The following SMIM10L3 variants were observed in gnomAD, a reference collection of about 807,000 sequenced individuals.
SMIM10L3 encodes the protein salivary gland specific protein SAGSIN1.
the SMIM10L3 span, among the ~76,000 whole-genome samples, chr7:6,333,577 CA>C: frequency 6.6e-6 from 1 of 151,796 alleles, no homozygotes; most frequent in Non-Finnish European, 1.5e-5. Context: ...CAGCTCACTG[CA>C]GCCTGTAACT....
chr7:6,334,154 G>A, the SMIM10L3 span, among the ~76,000 whole-genome samples: 389 of 151,252 alleles, frequency 2.6e-3, no homozygotes, highest in African/African-American at 8.7e-3. Flanking sequence ...CCGAACTCCT[G>A]GTCTCTTAAG....
chr7:6,348,292 C>T, the SMIM10L3 span, among the ~76,000 whole-genome samples: 2 of 151,988 alleles, frequency 1.3e-5, no homozygotes, highest in East Asian at 1.9e-4. Flanking sequence ...TAAAGGTCCT[C>T]TTCAACACCT....
chr7:6,348,838 T>C, the SMIM10L3 span: 221,802 of 392,962 alleles, frequency 0.56, 68,982 homozygotes, highest in East Asian at 0.91. Context: ...TCGCCTGGCG[T>C]GCTCAGGGAG....
chr7:6,343,516 T>C, the SMIM10L3 span, among the ~76,000 whole-genome samples: 1 of 149,866 alleles, frequency 6.7e-6, no homozygotes, highest in African/African-American at 2.5e-5. Context: ...CATGACTTGT[T>C]AAATTATAGC....
chr7:6,333,559 C>T, the SMIM10L3 span, among the ~76,000 whole-genome samples: 15 of 152,042 alleles, frequency 9.9e-5, no homozygotes, highest in African/African-American at 2.9e-4. Flanking sequence ...AGGACAATGG[C>T]GTGATCACAG....
At chr7:6,344,591 G>A in the SMIM10L3 span, among the ~76,000 whole-genome samples, 741 of 152,022 alleles carry the variant, frequency 4.9e-3, 15 homozygotes, top group African/African-American at 0.016. Context: ...GCTAATTTTT[G>A]TATTTTTTGT....
chr7:6,331,361 C>A, the SMIM10L3 span: 1 of 615,520 alleles, frequency 1.6e-6, no homozygotes, highest in Non-Finnish European at 2.8e-6. Context: ...CAGGGTTTCA[C>A]CATATTGGTA....
At chr7:6,343,047 A>C in the SMIM10L3 span, among the ~76,000 whole-genome samples, 104 of 146,280 alleles carry the variant, frequency 7.1e-4, 1 homozygote, top group Middle Eastern at 3.4e-3. Context: ...AAAAAAAAAA[A>C]AGAAAAAAGA....
At chr7:6,337,447 G>T in the SMIM10L3 span, among the ~76,000 whole-genome samples, 1 of 151,490 alleles carries the variant, frequency 6.6e-6, no homozygotes, top group Non-Finnish European at 1.5e-5. Context: ...AAGAAAAACA[G>T]GTCATATAAT....
At chr7:6,331,050 C>T in the SMIM10L3 span, 306 of 1,613,868 alleles carry the variant, frequency 1.9e-4, no homozygotes, top group South Asian at 3.2e-4. Flanking sequence ...AAGGGCCCTC[C>T]GGCATTCTTT....
chr7:6,337,110 C>T, the SMIM10L3 span, among the ~76,000 whole-genome samples: 9 of 149,592 alleles, frequency 6.0e-5, no homozygotes, highest in South Asian at 2.1e-4. Context: ...CTCTCTGTCT[C>T]GCCCAGGCTG....
the SMIM10L3 span, among the ~76,000 whole-genome samples, chr7:6,333,112 C>A: frequency 1.3e-5 from 2 of 148,886 alleles, no homozygotes; most frequent in African/African-American, 2.5e-5. Context: ...AGCCGAGATC[C>A]CACCACTGCA....
At chr7:6,330,739 T>C in the SMIM10L3 span, 19 of 1,613,986 alleles carry the variant, frequency 1.2e-5, no homozygotes, top group Non-Finnish European at 1.5e-5. Flanking sequence ...TCTGTGGCCG[T>C]CAGTGGCCCT....
the SMIM10L3 span, among the ~76,000 whole-genome samples, chr7:6,339,401 G>C: frequency 6.6e-6 from 1 of 152,126 alleles, no homozygotes; most frequent in Non-Finnish European, 1.5e-5. Flanking sequence ...CTAGGAGTTT[G>C]AGACCAGTCT....
chr7:6,333,449 A>G, the SMIM10L3 span, among the ~76,000 whole-genome samples: 1,769 of 152,248 alleles, frequency 0.012, 34 homozygotes, highest in African/African-American at 0.04. Context: ...CAGGAAAAAG[A>G]AAGAAAGAAG....
At chr7:6,338,447 G>C in the SMIM10L3 span, among the ~76,000 whole-genome samples, 1 of 152,162 alleles carries the variant, frequency 6.6e-6, no homozygotes, top group African/African-American at 2.4e-5. Flanking sequence ...ATGATGGAAG[G>C]AGTCTTCAAG....
chr7:6,330,559 T>C, the SMIM10L3 span: 2 of 1,614,182 alleles, frequency 1.2e-6, no homozygotes, highest in Non-Finnish European at 1.7e-6. Flanking sequence ...CACTTCGGGA[T>C]ACACGTGCAG....
chr7:6,339,842 G>C, the SMIM10L3 span, among the ~76,000 whole-genome samples: 2 of 151,864 alleles, frequency 1.3e-5, no homozygotes, highest in South Asian at 4.2e-4. Context: ...CGATCACAAG[G>C]AGAGGAGAGT....
chr7:6,340,822 C>A, the SMIM10L3 span, among the ~76,000 whole-genome samples: 63 of 147,512 alleles, frequency 4.3e-4, no homozygotes, highest in Non-Finnish European at 6.9e-4. Context: ...TGGCGTGAAC[C>A]CGGGAGGCGG....
Sources: allele counts gnomAD v4.1 joint callset (sites outside exome capture counted in the v4.1 genomes callset), GRCh38; gene constraint gnomAD v4.1.1; transcripts MANE v1.5; gene names NCBI Gene and HGNC (gene_info 2026-07-23, HGNC 2026-07-21).